AFF1: variants seen among roughly 807,000 people sequenced by gnomAD.
The protein encoded by AFF1 is AF4/FMR2 family member 1.
AFF1 carries 48 observed loss-of-function variants against 121.7 expected under a neutral mutation model. The ratio of observed to expected loss-of-function variants is 0.39; its 90% confidence interval spans 0.31 to 0.50. The LOEUF (loss-of-function observed/expected upper bound fraction) is 0.50, where lower values mean the gene tolerates loss of function less well. Among genes scored for constraint, AFF1 ranks in the 20% least tolerant of loss-of-function variants. AFF1 has a pLI of 0.76. For synonymous variants in AFF1, 613 were observed against 563.0 expected, an observed-to-expected ratio of 1.09 and a Z score of -1.26; for missense variants, 1,523 against 1,511.7, an observed-to-expected ratio of 1.01 and a Z score of -0.12.
chr4:87,050,762 G>A (rs921231604), intron 4 of AFF1, among the ~76,000 whole-genome samples: 11 of 152,292 alleles, frequency 7.2e-5, no homozygotes, highest in Middle Eastern at 3.4e-3. Flanking sequence ...TGACCAATCT[G>A]AGGCCAGGCC....
intron 12 of AFF1, among the ~76,000 whole-genome samples, chr4:87,122,754 A>T (rs1011192230): frequency 2.0e-5 from 3 of 152,010 alleles, no homozygotes; most frequent in Non-Finnish European, 4.4e-5. Flanking sequence ...CCCAATTTTC[A>T]GATTGTCTAT....
At chr4:87,077,318 T>C (rs1722765499) in intron 4 of AFF1, among the ~76,000 whole-genome samples, 1 of 152,164 alleles carries the variant, frequency 6.6e-6, no homozygotes, top group East Asian at 1.9e-4. Flanking sequence ...AAAAATTCAG[T>C]GTGGCGTGTA....
At chr4:87,126,762 T>C (rs1218918877) in intron 14 of AFF1, among the ~76,000 whole-genome samples, 1 of 152,148 alleles carries the variant, frequency 6.6e-6, no homozygotes, top group East Asian at 1.9e-4. Flanking sequence ...TGTGTTTGGA[T>C]TGACTAAGAG....
intron 2 of AFF1, among the ~76,000 whole-genome samples, chr4:87,011,292 C>A (rs979254752): frequency 6.6e-6 from 1 of 151,976 alleles, no homozygotes; most frequent in African/African-American, 2.4e-5. Flanking sequence ...GTCAACTCTC[C>A]CACAGTTTTT....
intron 2 of AFF1, among the ~76,000 whole-genome samples, chr4:87,027,192 C>T (rs1396630311): frequency 6.6e-6 from 1 of 152,230 alleles, no homozygotes; most frequent in Non-Finnish European, 1.5e-5. Flanking sequence ...AGGTGGGAAT[C>T]TGAAACTTAC....
intron 8 of AFF1, among the ~76,000 whole-genome samples, chr4:87,103,324 A>G (rs1353170831): frequency 6.6e-6 from 1 of 152,254 alleles, no homozygotes; most frequent in African/African-American, 2.4e-5. Context: ...AGTAATACAC[A>G]TATCTGCTGA....
In AFF1 at chr4:87,040,871, C is replaced by CTTTTTTT. The variant is rs780348229; in HGVS notation, c.39-5279_39-5273dup. On this transcript the variant is annotated intron_variant, in intron 2 of 20. Coordinates refer to ENST00000395146, the MANE Select transcript of AFF1 (RefSeq NM_001166693.3). ...TACAGGCGTGAGCCACCATGCCCTG[C>CTTTTTTT]TTTTTTTTTTTTTTTTTTTTTTGAG... Among the ~76,000 whole-genome samples the CTTTTTTT allele has an allele frequency of 3.9e-4, 26 of 67,104 alleles. 1 individual carries two copies. Among genetic ancestry groups the CTTTTTTT allele is most frequent in the African/African-American group, 1.6e-3 (19 of 12,094 alleles). The allele number at this position is 67,104 out of a possible 152,430, so 44.0% of individuals were successfully genotyped here. A position where few individuals can be genotyped will look rare whatever the true frequency, so the allele number is the denominator to read the frequency against.
chr4:87,036,716 C>G (rs114147617), intron 2 of AFF1: 650 of 450,316 alleles, frequency 1.4e-3, no homozygotes, highest in African/African-American at 0.012. Context: ...TTAAGAGAAA[C>G]AAAATGGGTT....
Position 87,086,299 on chromosome 4 carries a change from G to A in AFF1, c.1104+2135G>A, listed in dbSNP as rs1472234295. On this transcript the variant is annotated intron_variant, in intron 5 of 20. Coordinates refer to ENST00000395146, the MANE Select transcript of AFF1 (RefSeq NM_001166693.3). The stretch of plus-strand genomic sequence containing the variant: ...TGCAGGTTTGTTGTCTTCTGCATAT[G>A]TCAGATGCTCCTCTTAGGTTTCGGT... Among the ~76,000 whole-genome samples the A allele has an allele frequency of 2.6e-5, 4 of 152,084 alleles. No individual in the cohort carries two copies. The East Asian group carries it at 7.7e-4, about 29-fold the overall frequency.
chr4:87,018,513 G>A (rs868198044), intron 2 of AFF1, among the ~76,000 whole-genome samples: 21 of 152,218 alleles, frequency 1.4e-4, no homozygotes, highest in African/African-American at 4.8e-4. Context: ...GGTGATGGTG[G>A]TGAGAAGGAT....
chr4:87,135,129 G>A (rs1314628769), intron 20 of AFF1, among the ~76,000 whole-genome samples: 1 of 152,190 alleles, frequency 6.6e-6, no homozygotes, highest in Admixed American at 6.5e-5. Context: ...GCTATGGTAC[G>A]AGAGATACAG....
At chr4:87,084,912 C>T (rs1453914483) in intron 5 of AFF1, among the ~76,000 whole-genome samples, 3 of 152,152 alleles carry the variant, frequency 2.0e-5, no homozygotes, top group Non-Finnish European at 4.4e-5. Context: ...TTGATTTATA[C>T]CTCTTGGCGT....
intron 2 of AFF1, among the ~76,000 whole-genome samples, chr4:86,968,276 G>A (rs1722673206): frequency 6.6e-6 from 1 of 152,090 alleles, no homozygotes; most frequent in Non-Finnish European, 1.5e-5. Context: ...TCATTGGACA[G>A]CTGATTATGA....
At chr4:87,027,201 A>C (rs1468144228) in intron 2 of AFF1, among the ~76,000 whole-genome samples, 1 of 152,220 alleles carries the variant, frequency 6.6e-6, no homozygotes, top group Non-Finnish European at 1.5e-5. Flanking sequence ...TCTGAAACTT[A>C]CTTCTACAAA....
At position 87,058,790 on chromosome 4, in the gene AFF1, C is replaced by T. The variant is rs146903291; in HGVS notation, c.1059+11196C>T. On this transcript the variant is annotated intron_variant, in intron 4 of 20. Coordinates refer to ENST00000395146, the MANE Select transcript of AFF1 (RefSeq NM_001166693.3). ...GAGACAGAAGTAGGTAAACACTGTT[C>T]CTGCTTCCTCTCCTCCCCTCCCCTC... Among the ~76,000 whole-genome samples, 609 of 152,272 alleles carry T rather than the reference C, an allele frequency of 4.0e-3. 3 individuals are homozygous for T. The highest frequency in any genetic ancestry group is 0.01 in the Middle Eastern group (3 of 294).
At chr4:87,032,002 A>C (rs1729130982) in intron 2 of AFF1, among the ~76,000 whole-genome samples, 1 of 152,198 alleles carries the variant, frequency 6.6e-6, no homozygotes, top group African/African-American at 2.4e-5. Flanking sequence ...GTGATGGTGA[A>C]AAGATGATAT....
At chr4:86,946,495 T>A (rs1448146668) in intron 1 of AFF1, among the ~76,000 whole-genome samples, 1 of 80,288 alleles carries the variant, frequency 1.2e-5, no homozygotes, top group South Asian at 4.7e-4. Flanking sequence ...CAAGCAGTCC[T>A]CCCACCTCAG....
At chr4:87,060,724 G>A (rs1235861077) in intron 4 of AFF1, among the ~76,000 whole-genome samples, 2 of 151,312 alleles carry the variant, frequency 1.3e-5, no homozygotes, top group African/African-American at 2.4e-5. Context: ...CTGTACTCCC[G>A]GCTTCTGGGG....
intron 12 of AFF1, among the ~76,000 whole-genome samples, chr4:87,116,917 A>C (rs1204881764): frequency 6.6e-6 from 1 of 152,174 alleles, no homozygotes; most frequent in Admixed American, 6.5e-5. Context: ...AGATACCTGC[A>C]GCTGATACAC....
Sources: gnomAD v4.1 joint callset for allele counts (sites outside exome capture counted in the v4.1 genomes callset) on GRCh38, gnomAD v4.1.1 for gene constraint, MANE v1.5 for transcripts, NCBI Gene and HGNC (gene_info 2026-07-23, HGNC 2026-07-21) for gene names.